The following P4HA1 variants were observed in gnomAD, a reference collection of about 807,000 sequenced individuals.
P4HA1 encodes prolyl 4-hydroxylase subunit alpha 1, also known as prolyl 4-hydroxylase subunit alpha-1.
Under a neutral mutation model 72.8 loss-of-function variants are expected in P4HA1, and 24 were observed. That is an observed-to-expected ratio of 0.33 (90% CI 0.24 to 0.46). P4HA1 has a LOEUF of 0.46. P4HA1 is among the 20% of genes least tolerant of loss of function. The pLI, the probability that P4HA1 is intolerant of heterozygous loss-of-function variation, is 1.00. For missense variants in P4HA1, 446 were observed against 640.6 expected, an observed-to-expected ratio of 0.70 and a Z score of 3.28; for synonymous variants, 201 against 218.8, an observed-to-expected ratio of 0.92 and a Z score of 0.72.
At chr10:73,049,612 T>C (rs1840965174) in intron 7 of P4HA1, among the ~76,000 whole-genome samples, 1 of 152,200 alleles carries the variant, frequency 6.6e-6, no homozygotes, top group Admixed American at 6.5e-5. Context: ...CTAGTATCTA[T>C]TAACATCTAT....
chr10:73,067,686 T>A (rs1276208459), intron 5 of P4HA1, among the ~76,000 whole-genome samples: 1 of 152,148 alleles, frequency 6.6e-6, no homozygotes, highest in African/African-American at 2.4e-5. Context: ...CCTGTCTCCC[T>A]CTCCCCCATT....
chr10:73,089,540 A>T (rs548658796), intron 1 of P4HA1, among the ~76,000 whole-genome samples: 1 of 152,304 alleles, frequency 6.6e-6, no homozygotes, highest in East Asian at 1.9e-4. Context: ...AGCTTTATTC[A>T]TAATAGTCAA....
At chr10:73,093,548 A>AC (rs1041917784) in intron 1 of P4HA1, among the ~76,000 whole-genome samples, 1 of 151,916 alleles carries the variant, frequency 6.6e-6, no homozygotes, top group Non-Finnish European at 1.5e-5. Flanking sequence ...GAATAGAAAC[A>AC]CAAAGCTTTG....
chr10:73,029,830 A>C (rs1840392913), intron 10 of P4HA1, among the ~76,000 whole-genome samples: 1 of 152,156 alleles, frequency 6.6e-6, no homozygotes, highest in African/African-American at 2.4e-5. Flanking sequence ...TATAGACATA[A>C]AAGTAACAGA....
intron 1 of P4HA1, among the ~76,000 whole-genome samples, chr10:73,088,201 A>G (rs1841961669): frequency 6.6e-6 from 1 of 152,178 alleles, no homozygotes; most frequent in African/African-American, 2.4e-5. Flanking sequence ...CCTACGAACC[A>G]TTTTGAACTA....
chr10:73,016,629 TA>T (rs1289242545), intron 11 of P4HA1, among the ~76,000 whole-genome samples: 3 of 152,102 alleles, frequency 2.0e-5, no homozygotes, highest in Non-Finnish European at 4.4e-5. Flanking sequence ...ATACAAAAAT[TA>T]GCTGGGCATG....
At chr10:73,009,166 A>T (rs12253630) in intron 14 of P4HA1, among the ~76,000 whole-genome samples, 23,921 of 152,168 alleles carry the variant, frequency 0.16, 3,181 homozygotes, top group African/African-American at 0.34. Context: ...TTAACCTTGT[A>T]ATGTCCTGTA....
chr10:73,070,012 G>A (rs1841515857), intron 4 of P4HA1, among the ~76,000 whole-genome samples: 2 of 151,688 alleles, frequency 1.3e-5, no homozygotes, highest in Non-Finnish European at 2.9e-5. Flanking sequence ...GTTTCACCGT[G>A]TTGCCCAGGC....
intron 5 of P4HA1, among the ~76,000 whole-genome samples, chr10:73,065,909 C>T (rs1367825134): frequency 6.6e-6 from 1 of 151,902 alleles, no homozygotes; most frequent in Non-Finnish European, 1.5e-5. Context: ...CTGATCAACA[C>T]AGATAAATTT....
chr10:73,018,554 T>C (rs914565092), intron 10 of P4HA1, among the ~76,000 whole-genome samples: 6 of 152,154 alleles, frequency 3.9e-5, no homozygotes, highest in African/African-American at 1.4e-4. Flanking sequence ...CTGCTGTACC[T>C]GGCCTCAGAG....
At chr10:73,055,426 A>G (rs1476718182) in intron 5 of P4HA1, among the ~76,000 whole-genome samples, 1 of 151,598 alleles carries the variant, frequency 6.6e-6, no homozygotes, top group East Asian at 1.9e-4. Flanking sequence ...CTGGTCTTGA[A>G]CTCCTGACCT....
At chr10:73,089,150 T>C (rs186200457) in intron 1 of P4HA1, among the ~76,000 whole-genome samples, 3 of 152,352 alleles carry the variant, frequency 2.0e-5, no homozygotes, top group Admixed American at 6.5e-5. Flanking sequence ...ATTTTCAACA[T>C]ACAAATATTA....
At chr10:73,028,206 T>C (rs1049271473) in intron 10 of P4HA1, among the ~76,000 whole-genome samples, 1 of 148,056 alleles carries the variant, frequency 6.8e-6, no homozygotes, top group Non-Finnish European at 1.5e-5. Flanking sequence ...GCGTTATAAA[T>C]AAAAGCTTTC....
intron 10 of P4HA1, among the ~76,000 whole-genome samples, chr10:73,029,429 A>AG (rs1384292578): frequency 1.3e-5 from 2 of 151,906 alleles, no homozygotes; most frequent in Non-Finnish European, 2.9e-5. Context: ...AAAAAAAAAA[A>AG]AAAAAAAATT....
At chr10:73,083,899 TC>T (rs1214061036) in intron 1 of P4HA1, among the ~76,000 whole-genome samples, 4 of 151,852 alleles carry the variant, frequency 2.6e-5, no homozygotes, top group Non-Finnish European at 5.9e-5. Context: ...CAGTTGTTTT[TC>T]TCTTCCCTCA....
rs149552002 is a variant in P4HA1, at chr10:73,084,324, G to A, written c.-32-9409C>T. ...ACTAATTGTATTGTTTGGGGGTCTGGCTTTGTTGCCCAGTCTGGAGTGCAG... is the reference window on the plus strand; with the variant it reads ...ACTAATTGTATTGTTTGGGGGTCTGACTTTGTTGCCCAGTCTGGAGTGCAG... On this transcript the variant is annotated intron_variant, in intron 1 of 14. Transcript: ENST00000394890. 1.8e-3 allele frequency among the ~76,000 whole-genome samples: 271 copies of A among 152,272 alleles called. 3 individuals are homozygous for A. The highest frequency in any genetic ancestry group is 6.2e-3 in the African/African-American group (257 of 41,556).
intron 5 of P4HA1, chr10:73,065,367 C>T (rs1841395607): frequency 6.6e-6 from 1 of 152,138 alleles, no homozygotes; most frequent in Admixed American, 6.6e-5. Flanking sequence ...TGCATGTAAC[C>T]TATCAGATTT....
intron 9 of P4HA1, among the ~76,000 whole-genome samples, chr10:73,041,639 A>C (rs1193617992): frequency 6.6e-6 from 1 of 152,038 alleles, no homozygotes; most frequent in East Asian, 1.9e-4. Context: ...GGAAGAAATG[A>C]ACATCCTTAT....
intron 14 of P4HA1, 172 bp downstream of exon 14, chr10:73,009,635 A>G (rs922017187): frequency 1.3e-5 from 7 of 521,784 alleles, no homozygotes; most frequent in African/African-American, 1.1e-4. Context: ...TCTGTCATCA[A>G]AATTCTGATT....
Sources: allele counts gnomAD v4.1 joint callset (sites outside exome capture counted in the v4.1 genomes callset), GRCh38; gene constraint gnomAD v4.1.1; transcripts MANE v1.5; gene names NCBI Gene and HGNC (gene_info 2026-07-23, HGNC 2026-07-21).